SEC23IP: variants seen among roughly 807,000 people sequenced by gnomAD.
SEC23IP encodes SEC23 interacting protein.
In SEC23IP, 70 loss-of-function variants were observed where a neutral mutation model predicts 113.4. The observed-to-expected ratio is 0.62, with a 90% CI of 0.51 to 0.75. SEC23IP has a LOEUF of 0.75. SEC23IP is among the 30% of genes least tolerant of loss of function. SEC23IP has a pLI of 0.00. For missense variants in SEC23IP, 1,160 were observed against 1,204.9 expected (o/e 0.96, Z 0.55); for synonymous variants, 398 against 421.0 (o/e 0.95, Z 0.67).
At chr10:119,918,089 G>A (rs565241019) in intron 9 of SEC23IP, 45 bp downstream of exon 9, 3 of 1,480,890 alleles carry the variant, frequency 2.0e-6, no homozygotes, top group South Asian at 2.3e-5. Flanking sequence ...TTTTTGTTGA[G>A]TCATAACTGC....
intron 8 of SEC23IP, among the ~76,000 whole-genome samples, chr10:119,916,565 C>T (rs1444384717): frequency 1.3e-5 from 2 of 152,088 alleles, no homozygotes; most frequent in East Asian, 1.9e-4. Flanking sequence ...ATGTTAGGCC[C>T]TATTGTAAGG....
In SEC23IP at chr10:119,898,791, C is replaced by G. The variant is rs1214422824; in HGVS notation, c.528C>G (p.Pro176=). 1.2e-5 allele frequency: 19 copies of G among 1,614,042 alleles called. No individual in the cohort carries two copies. Among genetic ancestry groups the G allele is most frequent in the Non-Finnish European group, 1.4e-5 (16 of 1,180,042 alleles). The part of the protein sequence containing the change: ...SYFGNQPQGI[P]QPGYNPYRHT... ...TTGGGAACCAACCCCAAGGAATTCC[C>G]CAACCAGGATACAATCCATATCGCC... Residue 176 remains proline (P), a synonymous_variant, in exon 2 of 19, where the codon CCC becomes CCG. Transcript: ENST00000369075.
In SEC23IP at chr10:119,918,772, TATA is replaced by T. The variant is rs1254159396; in HGVS notation, c.1872+265_1872+267del. 2.0e-5 allele frequency among the ~76,000 whole-genome samples: 3 copies of T among 152,212 alleles called. No homozygotes were observed. In the East Asian group the frequency reaches 5.8e-4, roughly 29 times the overall value. On this transcript the variant is annotated intron_variant, in intron 10 of 18. Coordinates refer to ENST00000369075, the MANE Select transcript of SEC23IP (RefSeq NM_007190.4). Reference sequence around the variant, plus strand: ...TTCAGAGTACAGTTATAGGCCCAAATATAATAGCTTCCGTGTCCAGCCCTGAAA... The same window carrying T: ...TTCAGAGTACAGTTATAGGCCCAAATATAGCTTCCGTGTCCAGCCCTGAAA...
At chr10:119,912,701 C>T (rs1278842407) in intron 6 of SEC23IP, among the ~76,000 whole-genome samples, 2 of 146,880 alleles carry the variant, frequency 1.4e-5, no homozygotes, top group Admixed American at 6.9e-5. Flanking sequence ...AGTACAGTGG[C>T]GTGATCTCAG....
chr10:119,917,097 G>A (rs903215010), intron 8 of SEC23IP, among the ~76,000 whole-genome samples: 3 of 152,118 alleles, frequency 2.0e-5, no homozygotes, highest in African/African-American at 4.8e-5. Context: ...TTGATCTCCC[G>A]GGCTCAAGCG....
At chr10:119,914,846 T>C in intron 7 of SEC23IP, 27 bp downstream of exon 7, 1 of 1,585,570 alleles carries the variant, frequency 6.3e-7, no homozygotes, top group Non-Finnish European at 8.7e-7. Context: ...TTGTATTTCA[T>C]GGGATGATCT....
At chr10:119,906,350 T>G (rs1460777296) in intron 4 of SEC23IP, among the ~76,000 whole-genome samples, 1 of 148,862 alleles carries the variant, frequency 6.7e-6, no homozygotes, top group Non-Finnish European at 1.5e-5. Context: ...ATAAAAGATG[T>G]CAATTCTTCC....
At position 119,915,739 on chromosome 10, in the gene SEC23IP, C is replaced by G. The variant is rs201905641; in HGVS notation, c.1403-9C>G. ...AATTTATTTTCTCTTTTTTTTTTTTCTTTTGAAGTGGATGATTTTAGGGTG... is the reference window on the plus strand; with the variant it reads ...AATTTATTTTCTCTTTTTTTTTTTTGTTTTGAAGTGGATGATTTTAGGGTG... On this transcript the variant is annotated splice_polypyrimidine_tract_variant and intron_variant, in intron 7 of 18. Transcript: ENST00000369075. The G allele has an allele frequency of 1.8e-5, 24 of 1,347,062 alleles. No individual in the cohort carries two copies. The highest frequency in any genetic ancestry group is 1.8e-5 in the South Asian group (1 of 56,142). 83.4% of individuals were successfully genotyped at this position (1,347,062 alleles called of 1,614,324 possible). A position where few individuals can be genotyped will look rare whatever the true frequency, so the allele number is the denominator to read the frequency against.
intron 4 of SEC23IP, among the ~76,000 whole-genome samples, chr10:119,908,031 G>A (rs1052711810): frequency 6.6e-6 from 1 of 152,164 alleles, no homozygotes; most frequent in African/African-American, 2.4e-5. Flanking sequence ...GTAATCTAGA[G>A]AAGATTTAAA....
chr10:119,917,970 A>G lies in SEC23IP; in HGVS notation c.1679A>G (p.Asn560Ser). ...GTGGAAAAAGTAGGAATGGAGATAA[A>G]CCATCTGCATGCACTCTTTATGAGT... ...TIVEKVGMEI[N>S]HLHALFMSRN... The change falls in exon 9 of 19, where the codon AAC becomes AGC. Residue 560 changes from asparagine (N) to serine (S), a missense_variant. Asn to Ser is a conservative substitution (Grantham distance 46). Coordinates refer to ENST00000369075, the MANE Select transcript of SEC23IP (RefSeq NM_007190.4). 6.2e-7 allele frequency: 1 copy of G among 1,614,078 alleles called. No individual in the cohort carries two copies. The highest frequency in any genetic ancestry group is 1.1e-5 in the South Asian group (1 of 91,086).
At position 119,913,239 on chromosome 10, in the gene SEC23IP, T is replaced by A. The variant is rs578221784; in HGVS notation, c.1312+1075T>A. On this transcript the variant is annotated intron_variant, in intron 6 of 18. Coordinates refer to ENST00000369075, the MANE Select transcript of SEC23IP (RefSeq NM_007190.4). ...ATACCACATAGTATAGATTCTAAAA[T>A]ATGTTTTGTTGTGTGGAGAAGCACT... Among the ~76,000 whole-genome samples, 18 of 74,176 alleles carry A rather than the reference T, an allele frequency of 2.4e-4. No homozygotes were observed. In the South Asian group the frequency reaches 8.3e-3, roughly 34 times the overall value. 48.7% of individuals were successfully genotyped at this position (74,176 alleles called of 152,430 possible).
Position 119,940,833 on chromosome 10 carries a change from C to T in SEC23IP, c.*268C>T, listed in dbSNP as rs1017289724. On this transcript the variant is annotated 3_prime_UTR_variant, in exon 19 of 19. Coordinates refer to ENST00000369075, the MANE Select transcript of SEC23IP (RefSeq NM_007190.4). Reference sequence around the variant, plus strand: ...TATAAAAATGATGCCATGAAAAATTCCACAGATCAGTTTAGTTGTATAGTT... The same window carrying T: ...TATAAAAATGATGCCATGAAAAATTTCACAGATCAGTTTAGTTGTATAGTT... 3 of 152,110 alleles carry T rather than the reference C, an allele frequency of 2.0e-5. No homozygotes were observed. The highest frequency in any genetic ancestry group is 3.9e-4 in the East Asian group (2 of 5,188). 9.4% of individuals were successfully genotyped at this position (152,110 alleles called of 1,614,324 possible).
intron 7 of SEC23IP, among the ~76,000 whole-genome samples, chr10:119,915,116 AT>A (rs1295408738): frequency 2.6e-5 from 4 of 152,170 alleles, no homozygotes; most frequent in Non-Finnish European, 2.9e-5. Flanking sequence ...CATTGAATGG[AT>A]TTATAGTCAG....
chr10:119,922,368 T>C (rs1855276701), intron 12 of SEC23IP, among the ~76,000 whole-genome samples: 1 of 152,192 alleles, frequency 6.6e-6, no homozygotes, highest in Non-Finnish European at 1.5e-5. Flanking sequence ...TTGGATTTTC[T>C]CTTGTAAGGG....
chr10:119,918,537 A>G, intron 10 of SEC23IP, 26 bp downstream of exon 10: 4 of 1,312,024 alleles, frequency 3.0e-6, no homozygotes, highest in East Asian at 4.6e-5. Flanking sequence ...GCCAATTAAC[A>G]TTTCGATTTA....
At chr10:119,935,110 G>A (rs927172086) in intron 18 of SEC23IP, among the ~76,000 whole-genome samples, 3 of 152,284 alleles carry the variant, frequency 2.0e-5, no homozygotes, top group Admixed American at 6.5e-5. Flanking sequence ...CACGTTTTGT[G>A]TATCCTTCCA....
intron 12 of SEC23IP, among the ~76,000 whole-genome samples, chr10:119,923,407 T>C (rs1855313594): frequency 6.6e-6 from 1 of 152,120 alleles, no homozygotes; most frequent in African/African-American, 2.4e-5. Flanking sequence ...TTAGCGATTA[T>C]TTTATAACAA....
Position 119,918,432 on chromosome 10 carries a change from A to T in SEC23IP, c.1793A>T (p.Asp598Val). The stretch of plus-strand genomic sequence containing the variant: ...TTTGACATCCTGTCTAATCAAAAAG[A>T]TTTGAATTTATCAAAGTGCCCTGGA... ...ILFDILSNQK[D>V]LNLSKCPGPL... The change falls in exon 10 of 19, where the codon GAT becomes GTT. Residue 598 changes from aspartate (D) to valine (V), a missense_variant. Coordinates refer to ENST00000369075, the MANE Select transcript of SEC23IP (RefSeq NM_007190.4). The T allele has an allele frequency of 6.2e-7, 1 of 1,612,930 alleles. No homozygotes were observed. Among genetic ancestry groups the T allele is most frequent in the Non-Finnish European group, 8.5e-7 (1 of 1,178,908 alleles).
At chr10:119,900,213 G>A (rs1270741036) in intron 2 of SEC23IP, among the ~76,000 whole-genome samples, 3 of 152,008 alleles carry the variant, frequency 2.0e-5, no homozygotes, top group East Asian at 1.9e-4. Flanking sequence ...GAAATTGAGT[G>A]TTGATGTAAT....
Sources: allele counts gnomAD v4.1 joint callset (sites outside exome capture counted in the v4.1 genomes callset), GRCh38; gene constraint gnomAD v4.1.1; transcripts MANE v1.5; gene names NCBI Gene and HGNC (gene_info 2026-07-23, HGNC 2026-07-21).